Variants in DDHD2 observed in about 807,000 individuals in gnomAD.
The protein encoded by DDHD2 is triacylglycerol hydrolase DDHD2.
In DDHD2, 62 loss-of-function variants were observed where a neutral mutation model predicts 91.2. That is an observed-to-expected ratio of 0.68 (90% CI 0.55 to 0.84). The LOEUF is 0.84. Among genes scored for constraint, DDHD2 ranks in the 40% least tolerant of loss-of-function variants. DDHD2 has a pLI of 0.00. For missense variants in DDHD2, 740 were observed against 846.9 expected (o/e 0.87, Z 1.57); for synonymous variants, 271 against 293.9 (o/e 0.92, Z 0.80).
At position 38,245,970 on chromosome 8, in the gene DDHD2, G is replaced by T. The variant is rs763381101; in HGVS notation, c.1057+20G>T. The T allele has an allele frequency of 2.9e-5, 47 of 1,598,516 alleles. No individual in the cohort carries two copies. The highest frequency in any genetic ancestry group is 3.9e-5 in the Non-Finnish European group (46 of 1,168,522). ...GTTTAGGTAACAAAATGAGTTCTGTGTGACCAGAGAAGACTATCACATTTT... is the reference window on the plus strand; with the variant it reads ...GTTTAGGTAACAAAATGAGTTCTGTTTGACCAGAGAAGACTATCACATTTT... On this transcript the variant is annotated intron_variant, in intron 8 of 17. Coordinates refer to ENST00000397166, the MANE Select transcript of DDHD2 (RefSeq NM_015214.3).
intron 1 of DDHD2, chr8:38,270,921 C>CAAAAA (rs920676097): frequency 2.6e-5 from 4 of 152,112 alleles, no homozygotes; most frequent in Non-Finnish European, 5.9e-5. Context: ...CAAAACAAAA[C>CAAAAA]AAAAAACAGA....
chr8:38,262,692 A>G lies in DDHD2; in HGVS notation c.*2119A>G, dbSNP rs904273560. Reference sequence around the variant, plus strand: ...GATTAATAGCACTGATTAGATTTCTAATATTTTGCATTTTTGAAATGTTTG... The same window carrying G: ...GATTAATAGCACTGATTAGATTTCTGATATTTTGCATTTTTGAAATGTTTG... On this transcript the variant is annotated 3_prime_UTR_variant, in exon 18 of 18. Transcript: ENST00000397166. 2.6e-5 allele frequency: 4 copies of G among 152,154 alleles called. No homozygotes were observed. Among genetic ancestry groups the G allele is most frequent in the Admixed American group, 2.0e-4 (3 of 15,272 alleles). The allele number at this position is 152,154 out of a possible 1,614,324, so 9.4% of individuals were successfully genotyped here.
chr8:38,235,480 G>C (rs934994391), intron 3 of DDHD2, among the ~76,000 whole-genome samples: 1 of 152,094 alleles, frequency 6.6e-6, no homozygotes, highest in Admixed American at 6.6e-5. Context: ...CCAGCAGTTT[G>C]GGGGGCTGAG....
intron 1 of DDHD2, chr8:38,269,126 A>T: frequency 6.6e-7 from 1 of 1,523,176 alleles, no homozygotes; most frequent in Non-Finnish European, 8.8e-7. Context: ...TCTTTCTTAC[A>T]GGAAGGCCGC....
At chr8:38,247,665 G>A (rs924369257) in intron 9 of DDHD2, 48 bp from the exon 10 acceptor site, 4 of 1,271,270 alleles carry the variant, frequency 3.1e-6, no homozygotes, top group Non-Finnish European at 4.3e-6. Flanking sequence ...AGTATTAAAG[G>A]AAACTAAATG....
chr8:38,269,045 C>T, intron 1 of DDHD2: 1 of 1,530,492 alleles, frequency 6.5e-7, no homozygotes, highest in South Asian at 1.2e-5. Context: ...CCCCGCTTCC[C>T]CACTGCCCGA....
In DDHD2 at chr8:38,246,317, G is replaced by T. The variant is rs747642029; in HGVS notation, c.1125+17G>T. The T allele has an allele frequency of 6.3e-7, 1 of 1,585,492 alleles. No individual in the cohort carries two copies. The highest frequency in any genetic ancestry group is 8.6e-7 in the Non-Finnish European group (1 of 1,159,584). ...AGTGAAAAGGTAATTTAGATGTTCAGCTAGGTTTTCTTGTAGTTTTCCTTA... is the reference window on the plus strand; with the variant it reads ...AGTGAAAAGGTAATTTAGATGTTCATCTAGGTTTTCTTGTAGTTTTCCTTA... On this transcript the variant is annotated intron_variant, in intron 9 of 17. Coordinates refer to ENST00000397166, the MANE Select transcript of DDHD2 (RefSeq NM_015214.3).
At chr8:38,257,337 C>T (rs947744701) in intron 16 of DDHD2, among the ~76,000 whole-genome samples, 51 of 148,996 alleles carry the variant, frequency 3.4e-4, no homozygotes, top group Admixed American at 3.1e-3. Context: ...CAACCTCTGC[C>T]TCCCAGGTTC....
intron 4 of DDHD2, 44 bp downstream of exon 4, chr8:38,237,671 G>A (rs770602578): frequency 1.9e-5 from 21 of 1,097,846 alleles, no homozygotes; most frequent in Non-Finnish European, 2.3e-5. Flanking sequence ...AGTTAATTGC[G>A]CTATTAGGGA....
intron 11 of DDHD2, 81 bp from the exon 12 acceptor site, chr8:38,251,831 C>T (rs1806133160): frequency 1.0e-6 from 1 of 961,404 alleles, no homozygotes; most frequent in Non-Finnish European, 1.6e-6. Context: ...TACCTACCTA[C>T]CTCAGGGTCC....
downstream of DDHD2, chr8:38,264,997 G>T: frequency 7.7e-7 from 1 of 1,307,136 alleles, no homozygotes; most frequent in South Asian, 1.2e-5. Flanking sequence ...CGCCGGGCAC[G>T]GTGACTCACG....
intron 1 of DDHD2, chr8:38,270,205 C>G (rs1004884739): frequency 1.1e-4 from 16 of 152,148 alleles, no homozygotes; most frequent in African/African-American, 3.9e-4. Flanking sequence ...AATATTGATG[C>G]TTTGTTATTA....
intron 10 of DDHD2, among the ~76,000 whole-genome samples, chr8:38,248,929 A>G: frequency 7.2e-6 from 1 of 137,948 alleles, no homozygotes; most frequent in African/African-American, 2.8e-5. Context: ...TGGGCGACAG[A>G]GCAAGACTCC....
In DDHD2 at chr8:38,234,453, G is replaced by C. The variant is rs202216406; in HGVS notation, c.280G>C (p.Gly94Arg). 3 of 1,612,126 alleles carry C rather than the reference G, an allele frequency of 1.9e-6. No homozygotes were observed. The highest frequency in any genetic ancestry group is 3.4e-5 in the Admixed American group (2 of 59,254). Reference sequence around the variant, plus strand: ...TGGGGGCAGATATGATGTTCATTTGGGGGAGAGGATGCGGTATGCTGTATA... The same window carrying C: ...TGGGGGCAGATATGATGTTCATTTGCGGGAGAGGATGCGGTATGCTGTATA... ...TDGGRYDVHL[G>R]ERMRYAVYWD... The change falls in exon 3 of 18, where the codon GGG becomes CGG. Residue 94 changes from glycine (G) to arginine (R), a missense_variant. Gly to Arg is a moderately radical substitution (Grantham distance 125). This residue lies in a region of DDHD2 where 693 missense variants were observed against 764.2 expected (regional missense o/e 0.91). Coordinates refer to ENST00000397166, the MANE Select transcript of DDHD2 (RefSeq NM_015214.3).
intron 1 of DDHD2, chr8:38,270,689 TA>T (rs1176590113): frequency 6.6e-6 from 1 of 152,266 alleles, no homozygotes; most frequent in African/African-American, 2.4e-5. Context: ...AGGGGAGCAG[TA>T]AAAGCTGAGG....
At position 38,252,229 on chromosome 8, in the gene DDHD2, G is replaced by C. The variant is rs753184836; in HGVS notation, c.1559G>C (p.Arg520Thr). The C allele has an allele frequency of 6.2e-7, 1 of 1,614,112 alleles. No homozygotes were observed. The highest frequency in any genetic ancestry group is 2.2e-5 in the East Asian group (1 of 44,874). The change falls in exon 13 of 18, where the codon AGA becomes ACA. Residue 520 changes from arginine to threonine, a missense_variant. Physicochemically the swap from Arg to Thr is moderately conservative, Grantham distance 71. Coordinates refer to ENST00000397166, the MANE Select transcript of DDHD2 (RefSeq NM_015214.3). ...TTCCTTACTGTCCGAGGACTAAAAA[G>C]AATTGATCCCAACTACAGATTTCCA... The part of the protein sequence containing the change: ...GMFLTVRGLK[R>T]IDPNYRFPTC...
chr8:38,252,012 A>G lies in DDHD2; in HGVS notation c.1445A>G (p.Asp482Gly), dbSNP rs1806149682. Residue 482 changes from aspartate to glycine, a missense_variant, in exon 12 of 18, where the codon GAT becomes GGT. This residue lies in a region of DDHD2 where 693 missense variants were observed against 764.2 expected (regional missense o/e 0.91). Transcript: ENST00000397166. ...SSNTRNGDYL[D>G]VGIGQVSVKY... ...AATACTAGAAATGGTGACTATCTGG[A>G]TGTTGGCATTGGGCAGGTAACTAAT... The G allele has an allele frequency of 1.2e-6, 2 of 1,613,822 alleles. No individual in the cohort carries two copies. The highest frequency in any genetic ancestry group is 1.7e-6 in the Non-Finnish European group (2 of 1,179,684).
rs968570019 is a variant in DDHD2, at chr8:38,247,978, T to A, written c.1248+143T>A. On this transcript the variant is annotated intron_variant, in intron 10 of 17. Coordinates refer to ENST00000397166, the MANE Select transcript of DDHD2 (RefSeq NM_015214.3). ...TCCTTAGCATTATTTATTTGCTTTT[T>A]ATCATATCAAGTGACCTTTGCTTTG... The A allele has an allele frequency of 6.0e-6, 4 of 668,438 alleles. No individual in the cohort carries two copies. The African/African-American group carries it at 7.5e-5, about 13-fold the overall frequency. 41.4% of individuals were successfully genotyped at this position (668,438 alleles called of 1,614,324 possible).
At chr8:38,244,102 C>T (rs1424182154) in intron 7 of DDHD2, among the ~76,000 whole-genome samples, 5 of 151,584 alleles carry the variant, frequency 3.3e-5, no homozygotes, top group Non-Finnish European at 7.4e-5. Context: ...CATGCCTGGC[C>T]CAATCCAGCT....
Sources: allele counts gnomAD v4.1 joint callset (sites outside exome capture counted in the v4.1 genomes callset), GRCh38; gene constraint gnomAD v4.1.1; regional missense constraint gnomAD v4.1.1; transcripts MANE v1.5; gene names NCBI Gene and HGNC (gene_info 2026-07-23, HGNC 2026-07-21).